KYNU: variants seen among roughly 807,000 people sequenced by gnomAD.
KYNU encodes kynureninase, also known as L-kynurenine hydrolase.
KYNU carries 54 observed loss-of-function variants against 59.2 expected under a neutral mutation model. That is an observed-to-expected ratio of 0.91 (90% CI 0.73 to 1.14). The LOEUF (loss-of-function observed/expected upper bound fraction) is 1.14, where lower values mean the gene tolerates loss of function less well. Ranked by LOEUF, KYNU falls within the 50% of genes most tolerant of loss-of-function variation. The pLI is 0.00. For missense variants in KYNU, 567 were observed against 554.4 expected (o/e 1.02, Z -0.23); for synonymous variants, 177 against 192.0 (o/e 0.92, Z 0.65).
chr2:142,946,638 G>A (rs1287523972), intron 4 of KYNU, among the ~76,000 whole-genome samples: 3 of 152,100 alleles, frequency 2.0e-5, no homozygotes, highest in Non-Finnish European at 2.9e-5. Context: ...AGGCTTTGTC[G>A]TTTCACTTAT....
intron 8 of KYNU, among the ~76,000 whole-genome samples, chr2:142,960,993 G>A (rs528671513): frequency 1.3e-5 from 2 of 151,900 alleles, no homozygotes; most frequent in African/African-American, 4.8e-5. Context: ...AGGAGTTTGA[G>A]ACCAGCCTGA....
At chr2:142,899,687 T>C (rs187086068) in intron 2 of KYNU, among the ~76,000 whole-genome samples, 83 of 152,266 alleles carry the variant, frequency 5.5e-4, no homozygotes, top group African/African-American at 1.9e-3. Flanking sequence ...ATCTTAGTCA[T>C]GCATCTGGGG....
intron 8 of KYNU, among the ~76,000 whole-genome samples, chr2:142,972,805 T>G (rs564161924): frequency 5.6e-4 from 78 of 138,996 alleles, no homozygotes; most frequent in African/African-American, 1.9e-3. Flanking sequence ...TATATATATA[T>G]ATATATATAG....
At position 142,931,291 on chromosome 2, in the gene KYNU, A is replaced by G. The variant is rs560489562; in HGVS notation, c.373+3550A>G. ...AAAGGGATAAGGGGCCTCTTTCTCA[A>G]TAACTACTTCACGTGTGATATAGGG... On this transcript the variant is annotated intron_variant, in intron 4 of 13. Coordinates refer to ENST00000264170, the MANE Select transcript of KYNU (RefSeq NM_003937.3). Among the ~76,000 whole-genome samples the G allele has an allele frequency of 1.4e-4, 21 of 152,312 alleles. No individual in the cohort carries two copies. The South Asian group carries it at 4.4e-3, about 32-fold the overall frequency.
At chr2:143,025,246 C>T (rs1039251598) in intron 10 of KYNU, among the ~76,000 whole-genome samples, 1 of 151,998 alleles carries the variant, frequency 6.6e-6, no homozygotes, top group Non-Finnish European at 1.5e-5. Flanking sequence ...CAATCTTTTC[C>T]TCGTGCATAT....
At chr2:142,885,996 G>A (rs941339667) in intron 2 of KYNU, among the ~76,000 whole-genome samples, 1 of 152,148 alleles carries the variant, frequency 6.6e-6, no homozygotes, top group Non-Finnish European at 1.5e-5. Flanking sequence ...AGCCATCTTT[G>A]CATGCTGTAA....
intron 2 of KYNU, among the ~76,000 whole-genome samples, chr2:142,887,127 A>G (rs1448253084): frequency 1.3e-5 from 2 of 151,932 alleles, no homozygotes; most frequent in Non-Finnish European, 2.9e-5. Flanking sequence ...CGGAGACTGC[A>G]CCACTGCACT....
intron 10 of KYNU, among the ~76,000 whole-genome samples, chr2:143,019,094 ACTT>A (rs977500891): frequency 6.6e-6 from 1 of 151,992 alleles, no homozygotes; most frequent in African/African-American, 2.4e-5. Context: ...AGATAATTTA[ACTT>A]CTTCTTTTCC....
chr2:142,999,614 T>C (rs1255614254), intron 10 of KYNU, among the ~76,000 whole-genome samples: 1 of 152,168 alleles, frequency 6.6e-6, no homozygotes, highest in African/African-American at 2.4e-5. Flanking sequence ...TAAATGTAAT[T>C]ATTTTTTATT....
intron 10 of KYNU, chr2:142,989,298 A>G (rs987863777): frequency 6.1e-6 from 5 of 816,668 alleles, no homozygotes; most frequent in Non-Finnish European, 7.6e-6. Flanking sequence ...TGGTTTAACT[A>G]TGTTTAATAA....
At chr2:143,001,569 G>C (rs1471185781) in intron 10 of KYNU, among the ~76,000 whole-genome samples, 1 of 152,126 alleles carries the variant, frequency 6.6e-6, no homozygotes, top group Non-Finnish European at 1.5e-5. Flanking sequence ...TCAGTTTCCA[G>C]GGACCGAGCA....
At chr2:142,957,736 T>G in intron 7 of KYNU, 21 bp downstream of exon 7, 1 of 1,420,886 alleles carries the variant, frequency 7.0e-7, no homozygotes, top group Non-Finnish European at 1.0e-6. Flanking sequence ...AAGAAAGAAA[T>G]ATTTGTCATG....
intron 4 of KYNU, among the ~76,000 whole-genome samples, chr2:142,943,707 T>C (rs1457651218): frequency 6.6e-6 from 1 of 152,164 alleles, no homozygotes; most frequent in Non-Finnish European, 1.5e-5. Context: ...ATTTGCTTTA[T>C]GAAATCCGTG....
rs540165131 is a variant in KYNU, at chr2:143,011,987, G to A, written c.903-17640G>A. Among the ~76,000 whole-genome samples the A allele has an allele frequency of 1.4e-3, 200 of 146,210 alleles. 3 individuals carry two copies. The highest frequency in any genetic ancestry group is 1.7e-3 in the Non-Finnish European group (111 of 66,858). On this transcript the variant is annotated intron_variant, in intron 10 of 13. Coordinates refer to ENST00000264170, the MANE Select transcript of KYNU (RefSeq NM_003937.3). ...TAGATGACGAGTTAGTGGGTGCAGC[G>A]CACCAGCATGGCACATGTATACATA...
At chr2:143,015,260 T>C (rs1686215198) in intron 10 of KYNU, among the ~76,000 whole-genome samples, 1 of 152,174 alleles carries the variant, frequency 6.6e-6, no homozygotes, top group Admixed American at 6.5e-5. Context: ...GCAAACTTAA[T>C]GGAAGAGGTC....
At chr2:142,946,597 A>G (rs1683789251) in intron 4 of KYNU, among the ~76,000 whole-genome samples, 1 of 152,222 alleles carries the variant, frequency 6.6e-6, no homozygotes, top group Non-Finnish European at 1.5e-5. Context: ...ATAGTCAGCA[A>G]ACCATGCTGT....
Position 142,964,983 on chromosome 2 carries a change from C to A in KYNU, c.729+4213C>A, listed in dbSNP as rs114795434. Among the ~76,000 whole-genome samples, 355 of 152,272 alleles carry A rather than the reference C, an allele frequency of 2.3e-3. 1 individual carries two copies. Among genetic ancestry groups the A allele is most frequent in the African/African-American group, 8.1e-3 (335 of 41,568 alleles). On this transcript the variant is annotated intron_variant, in intron 8 of 13. Coordinates refer to ENST00000264170, the MANE Select transcript of KYNU (RefSeq NM_003937.3). ...TCCATGTTTCTATATTTTTCATATTCTGTTACTTGTTTCTACTAGGAACTT... is the reference window on the plus strand; with the variant it reads ...TCCATGTTTCTATATTTTTCATATTATGTTACTTGTTTCTACTAGGAACTT...
chr2:143,003,257 A>T (rs1685762649), intron 10 of KYNU, among the ~76,000 whole-genome samples: 1 of 152,156 alleles, frequency 6.6e-6, no homozygotes, highest in Non-Finnish European at 1.5e-5. Context: ...TGATTCTGAT[A>T]TTTAATACAA....
At position 142,891,933 on chromosome 2, in the gene KYNU, G is replaced by C. The variant is rs184555919; in HGVS notation, c.169+6397G>C. Among the ~76,000 whole-genome samples the C allele has an allele frequency of 1.6e-4, 24 of 148,448 alleles. No homozygotes were observed. The East Asian group carries it at 4.7e-3, about 29-fold the overall frequency. On this transcript the variant is annotated intron_variant, in intron 2 of 13. Coordinates refer to ENST00000264170, the MANE Select transcript of KYNU (RefSeq NM_003937.3). The stretch of plus-strand genomic sequence containing the variant: ...AGACATTGAGACTTTTTTTTTTTTA[G>C]ATGGGGTCTCACTCTGTCACCCAGG...
Sources: gnomAD v4.1 joint callset for allele counts (sites outside exome capture counted in the v4.1 genomes callset) on GRCh38, gnomAD v4.1.1 for gene constraint, MANE v1.5 for transcripts, NCBI Gene and HGNC (gene_info 2026-07-23, HGNC 2026-07-21) for gene names.